Variants in PEX14 observed in about 807,000 individuals in gnomAD.
The protein encoded by PEX14 is peroxisomal membrane protein PEX14.
PEX14 carries 15 observed loss-of-function variants against 49.5 expected under a neutral mutation model. That is an observed-to-expected ratio of 0.30 (90% CI 0.20 to 0.47). The LOEUF (loss-of-function observed/expected upper bound fraction) is 0.47. Among genes scored for constraint, PEX14 ranks in the 20% least tolerant of loss-of-function variants. The probability of loss-of-function intolerance (pLI) is 1.00; values close to 1 mark genes in which losing one functional copy is unlikely to be tolerated. For missense variants in PEX14, 398 were observed against 494.8 expected (o/e 0.80, Z 1.86); for synonymous variants, 210 against 212.7 (o/e 0.99, Z 0.11).
At chr1:10,528,593 C>T (rs1638557896) in intron 2 of PEX14, among the ~76,000 whole-genome samples, 2 of 152,188 alleles carry the variant, frequency 1.3e-5, no homozygotes, top group Admixed American at 1.3e-4. Flanking sequence ...CAGCTTGACA[C>T]CTTCATTAAT....
chr1:10,519,022 C>G (rs991268710), intron 2 of PEX14, among the ~76,000 whole-genome samples: 1 of 152,090 alleles, frequency 6.6e-6, no homozygotes. Context: ...CAAAAGGAGT[C>G]GAGCCAAACT....
intron 2 of PEX14, among the ~76,000 whole-genome samples, chr1:10,531,668 A>G (rs1026900431): frequency 7.2e-5 from 11 of 152,086 alleles, no homozygotes; most frequent in African/African-American, 2.7e-4. Context: ...TAATTTTTGA[A>G]TATTTTTAAT....
At chr1:10,516,190 G>A (rs767661291) in intron 2 of PEX14, among the ~76,000 whole-genome samples, 11 of 152,180 alleles carry the variant, frequency 7.2e-5, no homozygotes, top group Non-Finnish European at 1.6e-4. Context: ...AAGAAGCCAG[G>A]CCTATGTGTC....
chr1:10,543,480 G>C (rs552435193), intron 3 of PEX14, among the ~76,000 whole-genome samples: 1 of 152,286 alleles, frequency 6.6e-6, no homozygotes, highest in East Asian at 1.9e-4. Flanking sequence ...GGCACAGAGA[G>C]AAAAGAGCAG....
At chr1:10,531,193 A>AT (rs1273606893) in intron 2 of PEX14, among the ~76,000 whole-genome samples, 1 of 152,198 alleles carries the variant, frequency 6.6e-6, no homozygotes, top group Non-Finnish European at 1.5e-5. Context: ...TTAGTGAGAT[A>AT]TATAGCTTCA....
At chr1:10,626,430 G>A (rs1431754691) in intron 7 of PEX14, among the ~76,000 whole-genome samples, 1 of 152,216 alleles carries the variant, frequency 6.6e-6, no homozygotes, top group Non-Finnish European at 1.5e-5. Context: ...TCCTTCCTGA[G>A]ACCTACAGGC....
intron 3 of PEX14, among the ~76,000 whole-genome samples, chr1:10,574,114 T>C (rs7536149): frequency 0.66 from 100,700 of 151,968 alleles, 33,897 homozygotes; most frequent in Admixed American, 0.74. Flanking sequence ...AATAAATAAA[T>C]AAATGAGCCA....
intron 3 of PEX14, among the ~76,000 whole-genome samples, chr1:10,588,127 A>G (rs1159579941): frequency 6.6e-6 from 1 of 151,790 alleles, no homozygotes; most frequent in African/African-American, 2.4e-5. Flanking sequence ...AGGCTGAGGT[A>G]GAGAATTGCT....
chr1:10,557,947 A>T (rs1000125239), intron 3 of PEX14, among the ~76,000 whole-genome samples: 1 of 151,988 alleles, frequency 6.6e-6, no homozygotes, highest in Admixed American at 6.6e-5. Context: ...GGATAGTCTC[A>T]GCACCATTTA....
intron 2 of PEX14, among the ~76,000 whole-genome samples, chr1:10,526,282 C>T (rs1027354186): frequency 1.4e-5 from 2 of 146,106 alleles, no homozygotes; most frequent in Admixed American, 7.1e-5. Flanking sequence ...AGTGCAGTGG[C>T]GTGATAGCTC....
chr1:10,475,932 T>TA (rs1366360806), intron 1 of PEX14, among the ~76,000 whole-genome samples: 6 of 152,200 alleles, frequency 3.9e-5, no homozygotes, highest in Admixed American at 6.5e-5. Context: ...AAATGAATAC[T>TA]AAGGGTTTGT....
chr1:10,604,991 C>T (rs1435131536), intron 4 of PEX14, among the ~76,000 whole-genome samples: 2 of 152,058 alleles, frequency 1.3e-5, no homozygotes, highest in African/African-American at 4.8e-5. Flanking sequence ...GGAGTCTTTC[C>T]AGTGCCTCCA....
At chr1:10,541,378 T>G (rs1401315655) in intron 3 of PEX14, among the ~76,000 whole-genome samples, 1 of 151,996 alleles carries the variant, frequency 6.6e-6, no homozygotes, top group Admixed American at 6.6e-5. Context: ...ATGAGAAGAG[T>G]CCACTGGCAG....
chr1:10,544,738 A>G (rs942663435), intron 3 of PEX14, among the ~76,000 whole-genome samples: 5 of 147,148 alleles, frequency 3.4e-5, no homozygotes, highest in African/African-American at 9.9e-5. Flanking sequence ...TTGATCTGCT[A>G]TCACTATAGA....
intron 3 of PEX14, among the ~76,000 whole-genome samples, chr1:10,582,819 C>T (rs927908368): frequency 7.2e-5 from 11 of 152,162 alleles, no homozygotes; most frequent in South Asian, 4.2e-4. Flanking sequence ...CTGTGACCTC[C>T]GCCTCCCGGA....
At chr1:10,590,190 A>AAACCGTGAGCCTGCAAACAG (rs1036987872) in intron 3 of PEX14, among the ~76,000 whole-genome samples, 4 of 152,130 alleles carry the variant, frequency 2.6e-5, no homozygotes, top group Non-Finnish European at 4.4e-5. Flanking sequence ...AGGTGCCACA[A>AAACCGTGAGCCTGCAAACAG]AACCGTGAGC....
In PEX14 at chr1:10,579,595, C is replaced by G. The variant is rs557426553; in HGVS notation, c.170-19643C>G. On this transcript the variant is annotated intron_variant, in intron 3 of 8. Transcript: ENST00000356607. Reference sequence around the variant, plus strand: ...TGGCTACTCCACAGACAGAGCAGCCCTGGGAGCTGCTGGTTGCCCATTTTT... The same window carrying G: ...TGGCTACTCCACAGACAGAGCAGCCGTGGGAGCTGCTGGTTGCCCATTTTT... 2.6e-5 allele frequency among the ~76,000 whole-genome samples: 4 copies of G among 152,220 alleles called. No individual in the cohort carries two copies. In the South Asian group the frequency reaches 8.3e-4, roughly 32 times the overall value.
chr1:10,518,785 C>T (rs930450916), intron 2 of PEX14, among the ~76,000 whole-genome samples: 10 of 152,304 alleles, frequency 6.6e-5, no homozygotes, highest in South Asian at 2.1e-4. Flanking sequence ...ATGCTGATTC[C>T]GAAGCATCTT....
intron 3 of PEX14, among the ~76,000 whole-genome samples, chr1:10,593,127 CT>C (rs1204645014): frequency 1.3e-5 from 2 of 152,030 alleles, no homozygotes; most frequent in Non-Finnish European, 2.9e-5. Context: ...GTCCAGTGTC[CT>C]TTTGTCTTTG....
Sources: allele counts gnomAD v4.1 joint callset (sites outside exome capture counted in the v4.1 genomes callset), GRCh38; gene constraint gnomAD v4.1.1; transcripts MANE v1.5; gene names NCBI Gene and HGNC (gene_info 2026-07-23, HGNC 2026-07-21).